TSEN2: variants seen among roughly 807,000 people sequenced by gnomAD.
The protein encoded by TSEN2 is tRNA splicing endonuclease subunit 2.
In TSEN2, 54 loss-of-function variants were observed where a neutral mutation model predicts 59.2. The ratio of observed to expected loss-of-function variants is 0.91; its 90% confidence interval spans 0.73 to 1.14. The LOEUF (loss-of-function observed/expected upper bound fraction) is 1.14. Among genes scored for constraint, TSEN2 ranks in the 50% most tolerant of loss-of-function variants. The probability of loss-of-function intolerance (pLI) is 0.00; values close to 1 mark genes in which losing one functional copy is unlikely to be tolerated. For synonymous variants in TSEN2, 195 were observed against 198.2 expected, an observed-to-expected ratio of 0.98 and a Z score of 0.14; for missense variants, 636 against 576.2, an observed-to-expected ratio of 1.10 and a Z score of -1.06.
intron 6 of TSEN2, among the ~76,000 whole-genome samples, chr3:12,507,730 C>T (rs567733437): frequency 1.3e-5 from 2 of 152,282 alleles, no homozygotes; most frequent in East Asian, 3.9e-4. Context: ...CATAGTGTGG[C>T]ATATGGATCT....
intron 8 of TSEN2, among the ~76,000 whole-genome samples, chr3:12,519,695 G>A (rs956663847): frequency 2.0e-5 from 3 of 152,036 alleles, no homozygotes; most frequent in African/African-American, 4.8e-5. Context: ...GCAGTGAGCC[G>A]AGATCGCGCC....
In TSEN2 at chr3:12,532,910, G is replaced by T; in HGVS notation, c.*189G>T. The T allele has an allele frequency of 1.6e-6, 1 of 640,790 alleles. No homozygotes were observed. Among genetic ancestry groups the T allele is most frequent in the Admixed American group, 2.6e-5 (1 of 37,810 alleles). The allele number at this position is 640,790 out of a possible 1,614,324, so 39.7% of individuals were successfully genotyped here. A position where few individuals can be genotyped will look rare whatever the true frequency, so the allele number is the denominator to read the frequency against. On this transcript the variant is annotated 3_prime_UTR_variant, in exon 12 of 12. Coordinates refer to ENST00000284995, the MANE Select transcript of TSEN2 (RefSeq NM_025265.4). Reference sequence around the variant, plus strand: ...GGAGAAAGATCCCTGTGCTAGGACTGCAGATTCTATACTTGCGTTGGCCTC... The same window carrying T: ...GGAGAAAGATCCCTGTGCTAGGACTTCAGATTCTATACTTGCGTTGGCCTC...
rs551722010 is a variant in TSEN2 at position 12,532,919 on chromosome 3, A to T, written c.*198A>T. ...TCCCTGTGCTAGGACTGCAGATTCT[A>T]TACTTGCGTTGGCCTCTAACTCTCC... On this transcript the variant is annotated 3_prime_UTR_variant, in exon 12 of 12. Coordinates refer to ENST00000284995, the MANE Select transcript of TSEN2 (RefSeq NM_025265.4). 3.2e-6 allele frequency: 2 copies of T among 623,904 alleles called. No individual in the cohort carries two copies. The highest frequency in any genetic ancestry group is 1.8e-5 in the African/African-American group (1 of 54,216). The allele number at this position is 623,904 out of a possible 1,614,324, so 38.6% of individuals were successfully genotyped here. A position where few individuals can be genotyped will look rare whatever the true frequency, so the allele number is the denominator to read the frequency against.
downstream of TSEN2, among the ~76,000 whole-genome samples, chr3:12,535,083 C>T (rs935662214): frequency 6.6e-6 from 1 of 151,874 alleles, no homozygotes; most frequent in Non-Finnish European, 1.5e-5. Flanking sequence ...AACGTATTTG[C>T]TTTCTCTTTT....
intron 3 of TSEN2, among the ~76,000 whole-genome samples, chr3:12,495,526 T>C (rs2053659687): frequency 6.6e-6 from 1 of 152,224 alleles, no homozygotes; most frequent in South Asian, 2.1e-4. Context: ...CCAGTGAGCC[T>C]GGCCATTTGA....
chr3:12,515,964 T>C (rs1487171639), intron 6 of TSEN2, among the ~76,000 whole-genome samples: 1 of 152,210 alleles, frequency 6.6e-6, no homozygotes, highest in Non-Finnish European at 1.5e-5. Context: ...TCTATTGCTA[T>C]AGCTGTTAAC....
chr3:12,481,047 G>A (rs2052186982), upstream of TSEN2, among the ~76,000 whole-genome samples: 1 of 152,206 alleles, frequency 6.6e-6, no homozygotes, highest in African/African-American at 2.4e-5. Context: ...TGCAAAAGTG[G>A]CTGGCACATA....
intron 2 of TSEN2, among the ~76,000 whole-genome samples, chr3:12,491,058 T>G (rs149052684): frequency 6.6e-6 from 1 of 152,202 alleles, no homozygotes; most frequent in African/African-American, 2.4e-5. Context: ...TGGCATGATC[T>G]CAGCTCACTG....
At position 12,499,135 on chromosome 3, in the gene TSEN2, C is replaced by T. The variant is rs573741478; in HGVS notation, c.308+2581C>T. Among the ~76,000 whole-genome samples, 3 of 152,200 alleles carry T rather than the reference C, an allele frequency of 2.0e-5. No individual in the cohort carries two copies. The East Asian group carries it at 5.8e-4, about 29-fold the overall frequency. On this transcript the variant is annotated intron_variant, in intron 4 of 11. Transcript: ENST00000284995. ...CGATTCACTCAAATTGGCCTTTTTC[C>T]AATAATAGTCGTCCTTGGATAAAGT...
At chr3:12,521,434 G>A (rs2125181032) in intron 8 of TSEN2, among the ~76,000 whole-genome samples, 1 of 152,340 alleles carries the variant, frequency 6.6e-6, no homozygotes, top group Non-Finnish European at 1.5e-5. Context: ...TCAGATATCT[G>A]CTGGGCACAG....
chr3:12,516,446 ATGTGTGTGTGTG>A (rs68107346), intron 6 of TSEN2, among the ~76,000 whole-genome samples, 153 bp from the exon 7 acceptor site: 149 of 126,546 alleles, frequency 1.2e-3, no homozygotes, highest in African/African-American at 3.2e-3. Context: ...AACAAAATAT[ATGTGTGTGTGTG>A]TGTGTGTGTG....
chr3:12,529,657 A>G, intron 9 of TSEN2, 105 bp from the exon 10 acceptor site: 1 of 1,000,536 alleles, frequency 1.0e-6, no homozygotes, highest in Non-Finnish European at 1.5e-6. Flanking sequence ...GAATCAGATG[A>G]TGCAAATTTC....
chr3:12,536,624 A>C (rs748613424), downstream of TSEN2, among the ~76,000 whole-genome samples: 2 of 152,190 alleles, frequency 1.3e-5, no homozygotes, highest in East Asian at 3.8e-4. Flanking sequence ...CAGACTGAGC[A>C]ACATTGCCAT....
At chr3:12,508,513 G>A (rs2055078992) in intron 6 of TSEN2, among the ~76,000 whole-genome samples, 1 of 152,174 alleles carries the variant, frequency 6.6e-6, no homozygotes, top group Non-Finnish European at 1.5e-5. Context: ...GCAGAATGGG[G>A]TCTCACCCCT....
chr3:12,501,203 C>T (rs1407335095), intron 4 of TSEN2, among the ~76,000 whole-genome samples: 2 of 152,262 alleles, frequency 1.3e-5, no homozygotes, highest in East Asian at 1.9e-4. Context: ...GTTCTTTTTG[C>T]TGGTTTTAAA....
At chr3:12,525,413 AATT>A (rs1263501744) in intron 8 of TSEN2, among the ~76,000 whole-genome samples, 2 of 152,228 alleles carry the variant, frequency 1.3e-5, no homozygotes, top group Non-Finnish European at 2.9e-5. Context: ...ATAATCTAAT[AATT>A]ATAATAGTTG....
intron 8 of TSEN2, among the ~76,000 whole-genome samples, chr3:12,520,534 A>G (rs1344978544): frequency 2.6e-5 from 4 of 152,158 alleles, no homozygotes; most frequent in Non-Finnish European, 4.4e-5. Context: ...TCACGCCTGT[A>G]ATCCCAGCAC....
chr3:12,506,982 CAGG>C, intron 6 of TSEN2: 1 of 418,846 alleles, frequency 2.4e-6, no homozygotes, highest in Non-Finnish European at 3.2e-6. Context: ...ATCACGAGGT[CAGG>C]AGATCGAGAC....
chr3:12,535,957 T>A (rs2057665366), downstream of TSEN2, among the ~76,000 whole-genome samples: 1 of 152,154 alleles, frequency 6.6e-6, no homozygotes, highest in Non-Finnish European at 1.5e-5. Context: ...TAAGAATAAT[T>A]ACCACCTCCT....
Sources: allele counts gnomAD v4.1 joint callset (sites outside exome capture counted in the v4.1 genomes callset), GRCh38; gene constraint gnomAD v4.1.1; transcripts MANE v1.5; gene names NCBI Gene and HGNC (gene_info 2026-07-23, HGNC 2026-07-21).